Variants in RBFOX3 observed in about 807,000 individuals in gnomAD.
RBFOX3 encodes RNA binding fox-1 homolog 3, also known as RNA binding protein fox-1 homolog 3.
In RBFOX3, 17 loss-of-function variants were observed where a neutral mutation model predicts 48.7. That is an observed-to-expected ratio of 0.35 (90% CI 0.24 to 0.52). The LOEUF is 0.52. Among genes scored for constraint, RBFOX3 ranks in the 20% least tolerant of loss-of-function variants. The probability of loss-of-function intolerance (pLI) is 0.94; values close to 1 mark genes in which losing one functional copy is unlikely to be tolerated. For missense variants in RBFOX3, 382 were observed against 497.5 expected, an observed-to-expected ratio of 0.77 and a Z score of 2.21; for synonymous variants, 212 against 209.5, an observed-to-expected ratio of 1.01 and a Z score of -0.10.
At position 79,299,853 on chromosome 17, in the gene RBFOX3, T is replaced by G. The variant is rs2075027826; in HGVS notation, c.-74+7871A>C. Reference sequence around the variant, plus strand: ...CACATCCCTGCCTCCAGCATCTCTGTTTAGCCAGCTTCTCAGTACCCCACA... The same window carrying G: ...CACATCCCTGCCTCCAGCATCTCTGGTTAGCCAGCTTCTCAGTACCCCACA... On this transcript the variant is annotated intron_variant, in intron 3 of 14. Transcript: ENST00000693108. The surrounding 1 kb of genome is among the most constrained non-coding windows in gnomAD (Gnocchi z 4.5). Among the ~76,000 whole-genome samples the G allele has an allele frequency of 6.6e-6, 1 of 151,936 alleles. No homozygotes were observed. The highest frequency in any genetic ancestry group is 1.5e-5 in the Non-Finnish European group (1 of 68,020).
intron 1 of RBFOX3, among the ~76,000 whole-genome samples, chr17:79,503,992 C>T (rs1466409842): frequency 4.0e-5 from 6 of 151,544 alleles, no homozygotes; most frequent in Non-Finnish European, 7.4e-5. Flanking sequence ...GGTGGGTGGG[C>T]GGGGTGGCAG....
intron 2 of RBFOX3, among the ~76,000 whole-genome samples, chr17:79,438,823 G>A (rs964422703): frequency 1.3e-5 from 2 of 152,244 alleles, no homozygotes; most frequent in Admixed American, 6.5e-5. Context: ...GCTGAGGGGA[G>A]GGATGAAATC....
chr17:79,167,149 G>A (rs1172216014), intron 4 of RBFOX3, among the ~76,000 whole-genome samples: 4 of 152,194 alleles, frequency 2.6e-5, no homozygotes, highest in Non-Finnish European at 2.9e-5. Flanking sequence ...TGGGAAGATC[G>A]ATCATATCCT....
intron 3 of RBFOX3, among the ~76,000 whole-genome samples, chr17:79,265,143 C>G (rs1714855870): frequency 1.3e-5 from 2 of 152,220 alleles, no homozygotes; most frequent in African/African-American, 4.8e-5. Flanking sequence ...TTCCAAAGGA[C>G]AAAACGCAGA....
At chr17:79,518,658 T>C (rs2085611501) in intron 1 of RBFOX3, among the ~76,000 whole-genome samples, 1 of 152,228 alleles carries the variant, frequency 6.6e-6, no homozygotes, top group Non-Finnish European at 1.5e-5. Context: ...GAGGAGGACC[T>C]GCAAGAACAA....
chr17:79,655,110 G>A, the RBFOX3 span, among the ~76,000 whole-genome samples: 5 of 152,150 alleles, frequency 3.3e-5, no homozygotes, highest in East Asian at 3.9e-4. Context: ...GTTAAATGTC[G>A]GGTGGAAGCT....
At chr17:79,183,099 G>A (rs1393659569) in intron 4 of RBFOX3, among the ~76,000 whole-genome samples, 1 of 147,952 alleles carries the variant, frequency 6.8e-6, no homozygotes, top group East Asian at 2.0e-4. Context: ...GCCGCGCAGG[G>A]GCGCAGTTCC....
Position 79,101,578 on chromosome 17 carries a change from C to T in RBFOX3, c.568+6G>A, listed in dbSNP as rs953699995. The T allele has an allele frequency of 6.4e-7, 1 of 1,550,836 alleles. No individual in the cohort carries two copies. Among genetic ancestry groups the T allele is most frequent in the South Asian group, 1.2e-5 (1 of 84,052 alleles). On this transcript the variant is annotated splice_donor_region_variant and intron_variant, in intron 9 of 14. Transcript: ENST00000693108. Reference sequence around the variant, plus strand: ...AGCAGCCTTGTGGGGGGACCCAGCCCCTTACCGTTGGTGTAGGGGTTCCCC... The same window carrying T: ...AGCAGCCTTGTGGGGGGACCCAGCCTCTTACCGTTGGTGTAGGGGTTCCCC...
chr17:79,170,309 G>C (rs570040441), intron 4 of RBFOX3, among the ~76,000 whole-genome samples: 11 of 152,168 alleles, frequency 7.2e-5, no homozygotes, highest in Non-Finnish European at 1.5e-4. Flanking sequence ...CTGGGGTACC[G>C]GCTCCGGTCC....
intron 2 of RBFOX3, among the ~76,000 whole-genome samples, chr17:79,334,064 TTTC>T (rs748955670): frequency 5.9e-5 from 9 of 151,984 alleles, no homozygotes; most frequent in Non-Finnish European, 5.9e-5. Flanking sequence ...TCCTGCCCCA[TTTC>T]TTGTTTCTGT....
intron 4 of RBFOX3, among the ~76,000 whole-genome samples, chr17:79,138,733 G>A (rs2612797): frequency 0.037 from 106 of 2,886 alleles, 1 homozygote; most frequent in Middle Eastern, 0.17. Flanking sequence ...ACACACGCAT[G>A]CACACAGCAC....
At chr17:79,343,912 G>T (rs2082473831) in intron 2 of RBFOX3, among the ~76,000 whole-genome samples, 1 of 152,136 alleles carries the variant, frequency 6.6e-6, no homozygotes, top group South Asian at 2.1e-4. Context: ...GAATCTCCCT[G>T]CCCACAGGTC....
intron 2 of RBFOX3, among the ~76,000 whole-genome samples, chr17:79,371,195 C>G (rs11650155): frequency 0.68 from 103,178 of 152,208 alleles, 35,896 homozygotes; most frequent in Admixed American, 0.78. Flanking sequence ...GCCACAGTGG[C>G]GGCCCTGTTG....
At position 79,138,948 on chromosome 17, in the gene RBFOX3, T is replaced by G. The variant is rs1450590976; in HGVS notation, c.-33-23200A>C. On this transcript the variant is annotated intron_variant, in intron 4 of 14. Coordinates refer to ENST00000693108, the MANE Select transcript of RBFOX3 (RefSeq NM_001350451.2). ...CACAGCACATGCATTCACACCCCCCTCAGCCCCACACATGCACACAGCACA... is the reference window on the plus strand; with the variant it reads ...CACAGCACATGCATTCACACCCCCCGCAGCCCCACACATGCACACAGCACA... 7.9e-3 allele frequency among the ~76,000 whole-genome samples: 251 copies of G among 31,922 alleles called. 1 individual carries two copies. Among genetic ancestry groups the G allele is most frequent in the Middle Eastern group, 0.031 (1 of 32 alleles). The allele number at this position is 31,922 out of a possible 152,430, so 20.9% of individuals were successfully genotyped here.
chr17:79,575,750 C>A (rs987229578), intron 1 of RBFOX3, among the ~76,000 whole-genome samples: 1 of 152,170 alleles, frequency 6.6e-6, no homozygotes, highest in African/African-American at 2.4e-5. Flanking sequence ...AGTCCTTGCC[C>A]GGGGCAGCCT....
chr17:79,246,326 C>T (rs551108748), intron 3 of RBFOX3, among the ~76,000 whole-genome samples: 1 of 152,346 alleles, frequency 6.6e-6, no homozygotes, highest in South Asian at 2.1e-4. Context: ...ATGAGAGGAA[C>T]AGTCCCGCCC....
At chr17:79,113,154 G>C (rs2032650626) in intron 5 of RBFOX3, among the ~76,000 whole-genome samples, 1 of 152,096 alleles carries the variant, frequency 6.6e-6, no homozygotes, top group African/African-American at 2.4e-5. Flanking sequence ...TGATGACCCA[G>C]GGACAGGGTC....
At chr17:79,227,621 C>A (rs191397528) in intron 4 of RBFOX3, among the ~76,000 whole-genome samples, 1 of 152,160 alleles carries the variant, frequency 6.6e-6, no homozygotes, top group Non-Finnish European at 1.5e-5. Flanking sequence ...GGCTGACTGG[C>A]GGCGGTTACT....
chr17:79,127,640 C>T (rs923703250), intron 4 of RBFOX3, among the ~76,000 whole-genome samples: 1 of 152,108 alleles, frequency 6.6e-6, no homozygotes, highest in African/African-American at 2.4e-5. Flanking sequence ...GCCCTTGAGC[C>T]CCCGCATCAG....
Sources: gnomAD v4.1 joint callset for allele counts (sites outside exome capture counted in the v4.1 genomes callset) on GRCh38, gnomAD v4.1.1 for gene constraint, Gnocchi (gnomAD v3.1) non-coding constraint, MANE v1.5 for transcripts, NCBI Gene and HGNC (gene_info 2026-07-23, HGNC 2026-07-21) for gene names.